AFF1: variants seen among roughly 807,000 people sequenced by gnomAD.
The protein encoded by AFF1 is ALF transcription elongation factor 1.
AFF1 carries 48 observed loss-of-function variants against 121.7 expected under a neutral mutation model. The observed-to-expected ratio is 0.39, with a 90% CI of 0.31 to 0.50. The LOEUF (loss-of-function observed/expected upper bound fraction) is 0.50, where lower values mean the gene tolerates loss of function less well. Ranked by LOEUF, AFF1 falls within the 20% of genes least tolerant of loss-of-function variation. The pLI, the probability that AFF1 is intolerant of heterozygous loss-of-function variation, is 0.76. For missense variants in AFF1, 1,523 were observed against 1,511.7 expected, an observed-to-expected ratio of 1.01 and a Z score of -0.12; for synonymous variants, 613 against 563.0, an observed-to-expected ratio of 1.09 and a Z score of -1.26.
chr4:87,099,594 A>C (rs1725215406), intron 8 of AFF1, among the ~76,000 whole-genome samples: 1 of 152,152 alleles, frequency 6.6e-6, no homozygotes, highest in Admixed American at 6.5e-5. Context: ...TTTTTAGTAG[A>C]GACGGGGTTT....
chr4:87,071,934 A>G (rs1722100695), intron 4 of AFF1, among the ~76,000 whole-genome samples: 1 of 152,188 alleles, frequency 6.6e-6, no homozygotes, highest in Non-Finnish European at 1.5e-5. Flanking sequence ...GTTTCGGGTC[A>G]GGAGCTCTGG....
chr4:87,041,399 C>T (rs1315450324), intron 2 of AFF1, among the ~76,000 whole-genome samples: 4 of 151,972 alleles, frequency 2.6e-5, no homozygotes, highest in Non-Finnish European at 2.9e-5. Context: ...TGTCTTTTAC[C>T]CCTGGAGATC....
intron 4 of AFF1, among the ~76,000 whole-genome samples, chr4:87,059,631 C>T (rs961430713): frequency 2.0e-5 from 3 of 152,182 alleles, no homozygotes; most frequent in African/African-American, 7.2e-5. Context: ...CTCTCCATCA[C>T]CTTCAGGACA....
chr4:87,125,136 A>G lies in AFF1; in HGVS notation c.2566A>G (p.Lys856Glu). ...SSSSSHKESS[K>E]TKPSRPSSQS... ...TTCATCCTCCCACAAAGAATCTTCT[A>G]AAACAAAGTGAGTATAGAGATTAGC... is the stretch of plus-strand genomic sequence containing the variant. Residue 856 changes from lysine (K) to glutamate (E), a missense_variant, in exon 13 of 21, where the codon AAA (lysine) becomes GAA (glutamate). Transcript: ENST00000395146. The G allele has an allele frequency of 1.2e-6, 2 of 1,608,960 alleles. No individual in the cohort carries two copies. Among genetic ancestry groups the G allele is most frequent in the East Asian group, 2.2e-5 (1 of 44,834 alleles).
In AFF1 at chr4:87,138,589, G is replaced by T; in HGVS notation, c.*2888G>T. The T allele has an allele frequency of 4.3e-6, 1 of 231,784 alleles. No individual in the cohort carries two copies. The highest frequency in any genetic ancestry group is 8.5e-6 in the Non-Finnish European group (1 of 117,312). 14.4% of individuals were successfully genotyped at this position (231,784 alleles called of 1,614,324 possible). A position where few individuals can be genotyped will look rare whatever the true frequency, so the allele number is the denominator to read the frequency against. On this transcript the variant is annotated 3_prime_UTR_variant, in exon 21 of 21. Transcript: ENST00000395146. The stretch of plus-strand genomic sequence containing the variant: ...TGTTTAATGTTTCTGTCCTTTCTGT[G>T]AATTATTGAATTTAAGAGCCCTGCT...
rs2149767501 is a variant in AFF1 at position 87,114,619 on chromosome 4, C to G, written c.1786C>G (p.Pro596Ala). ...CGGAAAGAGGAGCTGTCAGAAGTCT[C>G]CGGCACAGCAGGAGCCCCCACAAAG... ...HPGKRSCQKS[P>A]AQQEPPQRQT... Residue 596 changes from proline (P) to alanine (A), a missense_variant, in exon 12 of 21, where the codon CCG becomes GCG. By Grantham distance (27) the Pro-to-Ala change is conservative. Transcript: ENST00000395146. The G allele has an allele frequency of 6.7e-7, 1 of 1,502,496 alleles. No individual in the cohort carries two copies. 93.1% of individuals were successfully genotyped at this position (1,502,496 alleles called of 1,614,324 possible).
intron 2 of AFF1, among the ~76,000 whole-genome samples, chr4:86,959,524 G>A (rs1721997053): frequency 6.8e-6 from 1 of 146,392 alleles, no homozygotes; most frequent in Non-Finnish European, 1.5e-5. Context: ...GTGAGAGACT[G>A]GTAGAGATGG....
At chr4:87,031,202 A>C (rs569744430) in intron 2 of AFF1, among the ~76,000 whole-genome samples, 1 of 152,282 alleles carries the variant, frequency 6.6e-6, no homozygotes, top group South Asian at 2.1e-4. Context: ...ATCTGAGTGG[A>C]GTAAGACGGA....
intron 2 of AFF1, among the ~76,000 whole-genome samples, chr4:87,026,191 G>A (rs1161083464): frequency 1.3e-5 from 2 of 151,746 alleles, no homozygotes; most frequent in Non-Finnish European, 2.9e-5. Flanking sequence ...GGCAACAAGA[G>A]TGAAACTCTG....
At chr4:87,068,262 C>G (rs1474457730) in intron 4 of AFF1, among the ~76,000 whole-genome samples, 1 of 143,238 alleles carries the variant, frequency 7.0e-6, no homozygotes, top group African/African-American at 2.5e-5. Flanking sequence ...AAATTGCCCC[C>G]CCCCCACTCC....
Position 87,127,011 on chromosome 4 carries a change from A to ATTTT in AFF1, c.2812-8_2812-5dup. 1 of 1,515,302 alleles carries ATTTT rather than the reference A, an allele frequency of 6.6e-7. No homozygotes were observed. Among genetic ancestry groups the ATTTT allele is most frequent in the Admixed American group, 1.7e-5 (1 of 57,182 alleles). The allele number at this position is 1,515,302 out of a possible 1,614,324, so 93.9% of individuals were successfully genotyped here. The stretch of plus-strand genomic sequence containing the variant: ...ATGTTAGAGTGTAATCTGTATATTG[A>ATTTT]TTTTTTTTTTGAAGGGTTCTTCCGG... On this transcript the variant is annotated splice_polypyrimidine_tract_variant and intron_variant, in intron 14 of 20. Transcript: ENST00000395146.
At chr4:86,976,083 G>A (rs113512418) in intron 2 of AFF1, among the ~76,000 whole-genome samples, 1 of 152,162 alleles carries the variant, frequency 6.6e-6, no homozygotes, top group African/African-American at 2.4e-5. Flanking sequence ...GTTCAATGAT[G>A]GAGGGATGTA....
At chr4:87,084,262 G>A (rs1405242943) in intron 5 of AFF1, 98 bp downstream of exon 5, 1 of 1,328,396 alleles carries the variant, frequency 7.5e-7, no homozygotes, top group African/African-American at 1.4e-5. Flanking sequence ...CCATTGGCTG[G>A]GTGCGGTGGC....
Position 87,108,184 on chromosome 4 carries a change from G to A in AFF1, c.1402G>A (p.Val468Met), listed in dbSNP as rs533139851. 1.9e-6 allele frequency: 3 copies of A among 1,613,980 alleles called. No homozygotes were observed. The highest frequency in any genetic ancestry group is 2.5e-6 in the Non-Finnish European group (3 of 1,179,998). Reference protein sequence around the residue: ...PSAPQSLPEPVASAHSSSAES... With the variant: ...PSAPQSLPEPMASAHSSSAES... Reference sequence around the variant, plus strand: ...TGCTCCACAGTCCCTTCCAGAACCAGTGGCATCAGCACATTCCAGCAGTGC... The same window carrying A: ...TGCTCCACAGTCCCTTCCAGAACCAATGGCATCAGCACATTCCAGCAGTGC... Residue 468 changes from valine (V) to methionine (M), a missense_variant, in exon 11 of 21, where the codon GTG becomes ATG. By Grantham distance (21) the Val-to-Met change is conservative. Transcript: ENST00000395146.
At chr4:87,091,260 G>T (rs1724280318) in intron 6 of AFF1, among the ~76,000 whole-genome samples, 1 of 150,050 alleles carries the variant, frequency 6.7e-6, no homozygotes, top group Admixed American at 6.6e-5. Context: ...AAAATTAGCT[G>T]GGTGTGGTGG....
chr4:87,081,701 C>G (rs376583279), intron 4 of AFF1, among the ~76,000 whole-genome samples: 1 of 152,096 alleles, frequency 6.6e-6, no homozygotes, highest in African/African-American at 2.4e-5. Flanking sequence ...AATCACTGTT[C>G]CCCTTTGAAA....
At chr4:87,089,930 A>T (rs1421605089) in intron 5 of AFF1, 54 bp from the exon 6 acceptor site, 2 of 1,325,174 alleles carry the variant, frequency 1.5e-6, no homozygotes, top group African/African-American at 2.9e-5. Flanking sequence ...TTAAGTAGCA[A>T]TGAATGTTCT....
At position 87,046,215 on chromosome 4, in the gene AFF1, C is replaced by G; in HGVS notation, c.88C>G (p.Arg30Gly). 1 of 1,613,874 alleles carries G rather than the reference C, an allele frequency of 6.2e-7. No homozygotes were observed. Among genetic ancestry groups the G allele is most frequent in the Non-Finnish European group, 8.5e-7 (1 of 1,179,934 alleles). ...GCTTCGAATTAGAGAGAAGGAAAGA[C>G]GCAACCAGGAAGCCCACCAAGAGAA... ...NLLRIREKER[R>G]NQEAHQEKEA... Residue 30 changes from arginine (R) to glycine (G), a missense_variant, in exon 3 of 21, where the codon CGC becomes GGC. By Grantham distance (125) the Arg-to-Gly change is moderately radical (BLOSUM62 -2). This residue lies in a region of AFF1 where 369 missense variants were observed against 367.2 expected (regional missense o/e 1.00). Coordinates refer to ENST00000395146, the MANE Select transcript of AFF1 (RefSeq NM_001166693.3).
intron 2 of AFF1, among the ~76,000 whole-genome samples, chr4:87,011,343 T>C (rs747098565): frequency 6.6e-6 from 1 of 152,140 alleles, no homozygotes; most frequent in Non-Finnish European, 1.5e-5. Flanking sequence ...CTTTGAAAAA[T>C]CAATAAAGAA....
Sources: gnomAD v4.1 joint callset for allele counts (sites outside exome capture counted in the v4.1 genomes callset) on GRCh38, gnomAD v4.1.1 for gene constraint, gnomAD v4.1.1 regional missense constraint, MANE v1.5 for transcripts, NCBI Gene and HGNC (gene_info 2026-07-23, HGNC 2026-07-21) for gene names.